STX17: variants seen among roughly 807,000 people sequenced by gnomAD.
The protein encoded by STX17 is syntaxin-17.
A neutral mutation model predicts 35.9 loss-of-function variants in STX17; 29 were observed. The ratio of observed to expected loss-of-function variants is 0.81; its 90% CI spans 0.60 to 1.10. STX17 has a LOEUF of 1.10. Among genes scored for constraint, STX17 ranks in the 50% least tolerant of loss-of-function variants. The probability of loss-of-function intolerance (pLI) is 0.00; values close to 1 mark genes in which losing one functional copy is unlikely to be tolerated. For missense variants in STX17, 312 were observed against 352.3 expected, an observed-to-expected ratio of 0.89 and a Z score of 0.92; for synonymous variants, 92 against 118.3, an observed-to-expected ratio of 0.78 and a Z score of 1.44.
intron 2 of STX17, among the ~76,000 whole-genome samples, chr9:99,923,066 C>A (rs1828918645): frequency 6.6e-6 from 1 of 151,914 alleles, no homozygotes; most frequent in Admixed American, 6.6e-5. Context: ...TTTCTATGTC[C>A]TCCTTTTCCT....
chr9:99,954,264 G>T (rs888170602), intron 4 of STX17, among the ~76,000 whole-genome samples: 25 of 151,834 alleles, frequency 1.6e-4, no homozygotes, highest in Non-Finnish European at 1.2e-4. Flanking sequence ...CAATACCTAG[G>T]TTATACCTAA....
At chr9:99,965,851 C>G (rs1829902265) in intron 6 of STX17, among the ~76,000 whole-genome samples, 1 of 152,142 alleles carries the variant, frequency 6.6e-6, no homozygotes, top group African/African-American at 2.4e-5. Flanking sequence ...TTTTTCCCCC[C>G]TCACACTTTG....
chr9:99,962,555 G>A (rs1451527687), intron 6 of STX17, among the ~76,000 whole-genome samples: 1 of 152,106 alleles, frequency 6.6e-6, no homozygotes, highest in Non-Finnish European at 1.5e-5. Flanking sequence ...CATGTACAAA[G>A]TTCTTACTCA....
intron 6 of STX17, among the ~76,000 whole-genome samples, chr9:99,963,493 T>C (rs1829864026): frequency 6.6e-6 from 1 of 152,208 alleles, no homozygotes; most frequent in African/African-American, 2.4e-5. Context: ...ATTACCTATG[T>C]GACCTTCAGG....
At chr9:99,938,522 C>T (rs761916679) in intron 3 of STX17, among the ~76,000 whole-genome samples, 28 of 152,268 alleles carry the variant, frequency 1.8e-4, no homozygotes, top group Middle Eastern at 6.8e-3. Context: ...CAGTGGCTCA[C>T]GCCTATAATG....
At chr9:99,953,294 A>G (rs746739963) in intron 4 of STX17, among the ~76,000 whole-genome samples, 10 of 152,100 alleles carry the variant, frequency 6.6e-5, no homozygotes, top group Non-Finnish European at 1.2e-4. Flanking sequence ...TGCTTGGCAC[A>G]TAATGGACCT....
chr9:99,935,415 G>A (rs1468630225), intron 3 of STX17, among the ~76,000 whole-genome samples: 1 of 151,208 alleles, frequency 6.6e-6, no homozygotes, highest in African/African-American at 2.4e-5. Context: ...GTTGATATAT[G>A]TTCTTTTTTA....
chr9:99,913,047 G>A (rs1417928431), intron 1 of STX17, among the ~76,000 whole-genome samples: 1 of 151,874 alleles, frequency 6.6e-6, no homozygotes, highest in African/African-American at 2.4e-5. Flanking sequence ...AGGTATTTCT[G>A]TCTTTTAATA....
chr9:99,965,629 CTTTTTCT>C (rs1014446368), intron 6 of STX17, among the ~76,000 whole-genome samples: 1 of 152,146 alleles, frequency 6.6e-6, no homozygotes, highest in Non-Finnish European at 1.5e-5. Flanking sequence ...AGTGCTGGAA[CTTTTTCT>C]TCTATGGGTC....
chr9:99,926,740 C>T (rs747931689), intron 2 of STX17, among the ~76,000 whole-genome samples: 10 of 152,138 alleles, frequency 6.6e-5, no homozygotes, highest in Admixed American at 2.0e-4. Context: ...CCTTGTGATC[C>T]GCCCGCTTCA....
chr9:99,957,730 T>C (rs1829738345), intron 4 of STX17, among the ~76,000 whole-genome samples: 1 of 150,902 alleles, frequency 6.6e-6, no homozygotes. Flanking sequence ...CTTGGCTCAC[T>C]GCAACCTCTG....
chr9:99,929,397 T>C (rs906870635), intron 3 of STX17, among the ~76,000 whole-genome samples: 1 of 151,834 alleles, frequency 6.6e-6, no homozygotes, highest in Admixed American at 6.6e-5. Flanking sequence ...ATTTTAATTA[T>C]TTTAACATAA....
chr9:99,936,343 A>G (rs1293723077), intron 3 of STX17, among the ~76,000 whole-genome samples: 1 of 152,200 alleles, frequency 6.6e-6, no homozygotes, highest in Non-Finnish European at 1.5e-5. Context: ...TTGTCCTTGC[A>G]AACAGTTGAT....
intron 6 of STX17, among the ~76,000 whole-genome samples, chr9:99,964,849 C>G (rs1395800394): frequency 6.6e-6 from 1 of 152,118 alleles, no homozygotes; most frequent in Non-Finnish European, 1.5e-5. Flanking sequence ...CAATAGTTTG[C>G]TGCCTAACTG....
intron 6 of STX17, among the ~76,000 whole-genome samples, chr9:99,963,937 G>A (rs1829870283): frequency 6.6e-6 from 1 of 152,138 alleles, no homozygotes; most frequent in Non-Finnish European, 1.5e-5. Context: ...AATGTGAACA[G>A]GATTGGTCAA....
rs1040717023 is a variant in STX17, at chr9:99,972,363, T to G, written c.*3690T>G. Among the ~76,000 whole-genome samples the G allele has an allele frequency of 1.3e-5, 2 of 152,364 alleles. No homozygotes were observed. Among genetic ancestry groups the G allele is most frequent in the African/African-American group, 4.8e-5 (2 of 41,582 alleles). ...TTAAAATGATACCCTTGGGAAATCATGTACTTACTGTAGTGATGCTAGTAT... is the reference window on the plus strand; with the variant it reads ...TTAAAATGATACCCTTGGGAAATCAGGTACTTACTGTAGTGATGCTAGTAT... On this transcript the variant is annotated 3_prime_UTR_variant, in exon 8 of 8. Transcript: ENST00000259400.
At chr9:99,957,208 T>C (rs1335169979) in intron 4 of STX17, among the ~76,000 whole-genome samples, 1 of 152,188 alleles carries the variant, frequency 6.6e-6, no homozygotes, top group Non-Finnish European at 1.5e-5. Context: ...CCTCTCTTCT[T>C]TGCCTAGTAA....
chr9:99,946,786 T>C (rs1829491200), intron 3 of STX17, among the ~76,000 whole-genome samples: 1 of 152,192 alleles, frequency 6.6e-6, no homozygotes, highest in African/African-American at 2.4e-5. Context: ...TTGCTTTCTA[T>C]ACTTTGAATA....
intron 3 of STX17, among the ~76,000 whole-genome samples, chr9:99,929,519 A>G (rs963936191): frequency 6.6e-6 from 1 of 151,972 alleles, no homozygotes; most frequent in Non-Finnish European, 1.5e-5. Flanking sequence ...AACCATTCTT[A>G]ATCCTTTTGG....
Sources: allele counts gnomAD v4.1 joint callset (sites outside exome capture counted in the v4.1 genomes callset), GRCh38; gene constraint gnomAD v4.1.1; transcripts MANE v1.5; gene names NCBI Gene and HGNC (gene_info 2026-07-23, HGNC 2026-07-21).